ACSM3: variants seen among roughly 807,000 people sequenced by gnomAD.
ACSM3 encodes acyl-CoA synthetase medium chain family member 3.
In ACSM3, 61 loss-of-function variants were observed where a neutral mutation model predicts 74.1. That is an observed-to-expected ratio of 0.82 (90% CI 0.67 to 1.02). The LOEUF is 1.02. Ranked by LOEUF, ACSM3 falls within the 50% of genes least tolerant of loss-of-function variation. The probability of loss-of-function intolerance (pLI) is 0.00; values close to 1 mark genes in which losing one functional copy is unlikely to be tolerated. For synonymous variants in ACSM3, 213 were observed against 241.5 expected, an observed-to-expected ratio of 0.88 and a Z score of 1.09; for missense variants, 660 against 697.0, an observed-to-expected ratio of 0.95 and a Z score of 0.60.
At chr16:20,690,049 G>A (rs2079624807) in intron 1 of ACSM3, among the ~76,000 whole-genome samples, 1 of 152,230 alleles carries the variant, frequency 6.6e-6, no homozygotes, top group Non-Finnish European at 1.5e-5. Context: ...AATGCTCTCT[G>A]TAACTGAGGG....
chr16:20,706,224 A>G (rs953204582), intron 1 of ACSM3, among the ~76,000 whole-genome samples: 5 of 152,108 alleles, frequency 3.3e-5, no homozygotes, highest in Admixed American at 2.6e-4. Flanking sequence ...TATTAGAAAA[A>G]TCTAAAATGG....
At chr16:20,796,251 T>G (rs1179670751) in intron 12 of ACSM3, 119 bp from the exon 13 acceptor site, 1 of 1,464,770 alleles carries the variant, frequency 6.8e-7, no homozygotes, top group Non-Finnish European at 9.0e-7. Flanking sequence ...GATCAAACTT[T>G]ATTAAAACAC....
chr16:20,774,628 T>C (rs1381123135), intron 2 of ACSM3, among the ~76,000 whole-genome samples: 3 of 152,246 alleles, frequency 2.0e-5, no homozygotes, highest in African/African-American at 7.2e-5. Context: ...AGTCAGTCCA[T>C]ACAGTCCATA....
chr16:20,733,434 G>GT (rs1024793200), intron 1 of ACSM3, among the ~76,000 whole-genome samples: 4 of 151,944 alleles, frequency 2.6e-5, no homozygotes, highest in African/African-American at 9.7e-5. Flanking sequence ...TTTAATGAAA[G>GT]TAAGTACTGT....
chr16:20,699,981 G>GT (rs2152354488), intron 1 of ACSM3, among the ~76,000 whole-genome samples: 1 of 152,292 alleles, frequency 6.6e-6, no homozygotes, highest in South Asian at 2.1e-4. Flanking sequence ...ATGTGGAAGT[G>GT]TTACAAGTCA....
chr16:20,675,487 C>T (rs535211200), intron 1 of ACSM3, among the ~76,000 whole-genome samples: 1 of 152,170 alleles, frequency 6.6e-6, no homozygotes, highest in East Asian at 1.9e-4. Context: ...TGTAATAGGA[C>T]CCAGTCTGGT....
chr16:20,758,453 T>C (rs2080049321), intron 3 of ACSM3, among the ~76,000 whole-genome samples: 3 of 152,102 alleles, frequency 2.0e-5, no homozygotes, highest in Non-Finnish European at 4.4e-5. Context: ...TGATGGTAGT[T>C]TGTATTTCTG....
At chr16:20,710,250 G>A in intron 1 of ACSM3, among the ~76,000 whole-genome samples, 1 of 152,100 alleles carries the variant, frequency 6.6e-6, no homozygotes, top group East Asian at 1.9e-4. Flanking sequence ...CCCCAGCTAT[G>A]GCCAAATCTC....
chr16:20,787,108 C>T (rs1294263962), intron 9 of ACSM3, among the ~76,000 whole-genome samples: 1 of 152,172 alleles, frequency 6.6e-6, no homozygotes, highest in South Asian at 2.1e-4. Flanking sequence ...TCAGATCAAC[C>T]GAGCTTCAAA....
In ACSM3 at chr16:20,794,850, A is replaced by C. The variant is rs147498324; in HGVS notation, c.1555-1520A>C. On this transcript the variant is annotated intron_variant, in intron 12 of 13. Coordinates refer to ENST00000289416, the MANE Select transcript of ACSM3 (RefSeq NM_005622.4). ...TTGAACCCAGCTGTTCTGACTTCAG[A>C]GTTCATACTCTTACCCATGTTAGGT... Among the ~76,000 whole-genome samples, 205 of 152,352 alleles carry C rather than the reference A, an allele frequency of 1.3e-3. 1 individual carries two copies. Among genetic ancestry groups the C allele is most frequent in the African/African-American group, 4.7e-3 (197 of 41,584 alleles).
chr16:20,713,338 G>C (rs1054804010), intron 1 of ACSM3, among the ~76,000 whole-genome samples: 1 of 152,016 alleles, frequency 6.6e-6, no homozygotes, highest in Non-Finnish European at 1.5e-5. Context: ...TGATTCCTAA[G>C]GTAGTGGTAT....
At chr16:20,750,256 G>T (rs767722553) in intron 2 of ACSM3, among the ~76,000 whole-genome samples, 42 of 152,112 alleles carry the variant, frequency 2.8e-4, no homozygotes, top group Non-Finnish European at 4.6e-4. Context: ...AACCATATGC[G>T]TGTATTATTT....
intron 1 of ACSM3, among the ~76,000 whole-genome samples, chr16:20,720,580 C>T (rs1411721870): frequency 6.6e-6 from 1 of 152,178 alleles, no homozygotes; most frequent in Non-Finnish European, 1.5e-5. Context: ...GGACAGGAAC[C>T]GGTCTGTGGC....
chr16:20,689,658 AAAAC>A (rs2079617336), intron 1 of ACSM3, among the ~76,000 whole-genome samples: 1 of 152,250 alleles, frequency 6.6e-6, no homozygotes, highest in African/African-American at 2.4e-5. Context: ...TTAATTTTGA[AAAAC>A]AAAATTGCAT....
chr16:20,716,830 C>T (rs982250105), intron 1 of ACSM3, among the ~76,000 whole-genome samples: 1 of 152,178 alleles, frequency 6.6e-6, no homozygotes, highest in African/African-American at 2.4e-5. Flanking sequence ...CTCCGCCGGA[C>T]TTCGTAGCCC....
chr16:20,797,266 T>G lies in ACSM3; in HGVS notation c.*294T>G. 1 of 1,066,354 alleles carries G rather than the reference T, an allele frequency of 9.4e-7. No individual in the cohort carries two copies. The highest frequency in any genetic ancestry group is 1.1e-6 in the Non-Finnish European group (1 of 885,798). 66.1% of individuals were successfully genotyped at this position (1,066,354 alleles called of 1,614,324 possible). On this transcript the variant is annotated 3_prime_UTR_variant, in exon 14 of 14. Transcript: ENST00000289416. ...AGCAGTTTCTGAACCAGATCTCTGCTACATAGGTTTTCAAACTTTAGTTGA... is the reference window on the plus strand; with the variant it reads ...AGCAGTTTCTGAACCAGATCTCTGCGACATAGGTTTTCAAACTTTAGTTGA...
intron 1 of ACSM3, chr16:20,735,120 A>AT (rs907367047): frequency 2.6e-5 from 4 of 152,030 alleles, no homozygotes; most frequent in African/African-American, 9.7e-5. Context: ...TTTAAGAAAA[A>AT]TTTTTTTCCC....
intron 1 of ACSM3, among the ~76,000 whole-genome samples, chr16:20,706,661 G>A (rs191231388): frequency 6.6e-6 from 1 of 152,274 alleles, no homozygotes; most frequent in Non-Finnish European, 1.5e-5. Context: ...TTTGTTGAAA[G>A]CCCTATTTGG....
chr16:20,691,751 ATGTGTGTGTGTGTG>A (rs59929923), intron 1 of ACSM3, among the ~76,000 whole-genome samples: 3,247 of 134,074 alleles, frequency 0.024, 72 homozygotes, highest in African/African-American at 0.06. Context: ...TACCTCTCCA[ATGTGTGTGTGTGTG>A]TGTGTGTGTG....
Sources: gnomAD v4.1 joint callset for allele counts (sites outside exome capture counted in the v4.1 genomes callset) on GRCh38, gnomAD v4.1.1 for gene constraint, MANE v1.5 for transcripts, NCBI Gene and HGNC (gene_info 2026-07-23, HGNC 2026-07-21) for gene names.